Variants in ASB15 observed in about 807,000 individuals in gnomAD.
ASB15 encodes ankyrin repeat and SOCS box containing 15.
Under a neutral mutation model 58.0 loss-of-function variants are expected in ASB15, and 54 were observed. That is an observed-to-expected ratio of 0.93 (90% CI 0.75 to 1.17). The LOEUF (loss-of-function observed/expected upper bound fraction) is 1.17. Among genes scored for constraint, ASB15 ranks in the 50% most tolerant of loss-of-function variants. The probability of loss-of-function intolerance (pLI) is 0.00; values close to 1 mark genes in which losing one functional copy is unlikely to be tolerated. For synonymous variants in ASB15, 249 were observed against 262.4 expected, an observed-to-expected ratio of 0.95 and a Z score of 0.50; for missense variants, 680 against 707.4, an observed-to-expected ratio of 0.96 and a Z score of 0.44.
chr7:123,631,771 C>G (rs1227691890), intron 11 of ASB15, among the ~76,000 whole-genome samples: 1 of 152,060 alleles, frequency 6.6e-6, no homozygotes, highest in Non-Finnish European at 1.5e-5. Flanking sequence ...GTCAAGAAAA[C>G]TAAATGCAAA....
intron 7 of ASB15, among the ~76,000 whole-genome samples, chr7:123,623,816 A>ATT (rs913830347): frequency 3.6e-4 from 53 of 148,926 alleles, no homozygotes; most frequent in Non-Finnish European, 6.8e-4. Flanking sequence ...GTGAGCTGAG[A>ATT]TTGTGCCATC....
In ASB15 at chr7:123,632,080, A is replaced by AAAT. The variant is rs373227752; in HGVS notation, c.1594+1981_1594+1983dup. On this transcript the variant is annotated intron_variant, in intron 11 of 11. Transcript: ENST00000451215. ...GCGACAGAGCGAGACTCCATCTCAA[A>AAAT]AATAATAATAATAATAATAATAGAA... Among the ~76,000 whole-genome samples, 791 of 151,762 alleles carry AAAT rather than the reference A, an allele frequency of 5.2e-3. 14 individuals are homozygous for AAAT. Among genetic ancestry groups the AAAT allele is most frequent in the East Asian group, 0.045 (231 of 5,156 alleles).
intron 11 of ASB15, among the ~76,000 whole-genome samples, chr7:123,631,201 T>G (rs1314197713): frequency 6.6e-6 from 1 of 152,206 alleles, no homozygotes; most frequent in African/African-American, 2.4e-5. Context: ...AGCAAGTTAC[T>G]TATTCTTCTT....
intron 1 of ASB15, among the ~76,000 whole-genome samples, chr7:123,575,902 T>C (rs1483956909): frequency 6.6e-6 from 1 of 151,022 alleles, no homozygotes; most frequent in Non-Finnish European, 1.5e-5. Flanking sequence ...GCATGCATAG[T>C]GTGTCCTGTA....
chr7:123,596,763 G>T (rs1584747765), intron 1 of ASB15, among the ~76,000 whole-genome samples: 2 of 152,132 alleles, frequency 1.3e-5, no homozygotes, highest in South Asian at 4.1e-4. Context: ...TTAATTAAAT[G>T]TCATTACGCA....
intron 11 of ASB15, among the ~76,000 whole-genome samples, chr7:123,634,195 C>T (rs1802292417): frequency 6.6e-6 from 1 of 152,066 alleles, no homozygotes; most frequent in South Asian, 2.1e-4. Flanking sequence ...TGCTCAGACT[C>T]CCCCAGCCAC....
chr7:123,611,294 A>AT (rs934238765), intron 3 of ASB15, among the ~76,000 whole-genome samples: 9 of 150,898 alleles, frequency 6.0e-5, no homozygotes, highest in African/African-American at 9.7e-5. Flanking sequence ...TAGATAAATA[A>AT]TTTTTTTTTC....
chr7:123,624,954 T>C (rs898652757), intron 8 of ASB15, 140 bp downstream of exon 8: 20 of 996,300 alleles, frequency 2.0e-5, no homozygotes, highest in Admixed American at 5.2e-5. Flanking sequence ...CATCAGGTTT[T>C]CCCACCTGGT....
In ASB15 at chr7:123,624,560, A is replaced by G. The variant is rs1326901023; in HGVS notation, c.452-9A>G. Reference sequence around the variant, plus strand: ...ATACTTACTGTTGTTTTTAACAATCATTTTCAAGCTGTGAAAAAGGGCTCC... The same window carrying G: ...ATACTTACTGTTGTTTTTAACAATCGTTTTCAAGCTGTGAAAAAGGGCTCC... On this transcript the variant is annotated splice_polypyrimidine_tract_variant and intron_variant, in intron 7 of 11. Transcript: ENST00000451215. The G allele has an allele frequency of 1.9e-6, 3 of 1,608,400 alleles. No individual in the cohort carries two copies. The highest frequency in any genetic ancestry group is 2.7e-5 in the African/African-American group (2 of 74,754).
chr7:123,615,097 G>A (rs1048101080), intron 4 of ASB15, among the ~76,000 whole-genome samples: 13 of 152,150 alleles, frequency 8.5e-5, no homozygotes, highest in African/African-American at 3.1e-4. Flanking sequence ...ATGAATGAGA[G>A]AAGCGTTGTG....
intron 1 of ASB15, among the ~76,000 whole-genome samples, chr7:123,585,455 A>G (rs1264850536): frequency 6.6e-6 from 1 of 151,692 alleles, no homozygotes; most frequent in African/African-American, 2.4e-5. Flanking sequence ...GCACCCTTTG[A>G]CCTGGATTTC....
At chr7:123,633,087 C>T (rs562844215) in intron 11 of ASB15, among the ~76,000 whole-genome samples, 10 of 152,100 alleles carry the variant, frequency 6.6e-5, no homozygotes, top group African/African-American at 1.9e-4. Flanking sequence ...CTCTTGCTGA[C>T]GTCCAAAGGA....
At position 123,624,720 on chromosome 7, in the gene ASB15, C is replaced by T. The variant is rs1028306974; in HGVS notation, c.603C>T (p.Gly201=). 3 of 1,614,042 alleles carry T rather than the reference C, an allele frequency of 1.9e-6. No homozygotes were observed. The highest frequency in any genetic ancestry group is 2.5e-6 in the Non-Finnish European group (3 of 1,180,022). The change falls in exon 8 of 12, where the codon GGC becomes GGT. Residue 201 remains glycine, a synonymous_variant. Coordinates refer to ENST00000451215, the MANE Select transcript of ASB15 (RefSeq NM_001290258.2). ...TAGCTCTGCTGCTGAAACATGGAGG[C>T]AATGTCCACCTGAGAGATGGATTTG... ...DIVALLLKHG[G]NVHLRDGFGV...
intron 8 of ASB15, 133 bp downstream of exon 8, chr7:123,624,947 C>A: frequency 1.8e-6 from 2 of 1,136,290 alleles, no homozygotes; most frequent in Non-Finnish European, 2.5e-6. Context: ...AACTTGGCAT[C>A]AGGTTTTCCC....
intron 1 of ASB15, among the ~76,000 whole-genome samples, chr7:123,587,666 G>C (rs1259364759): frequency 6.6e-6 from 1 of 151,566 alleles, no homozygotes; most frequent in African/African-American, 2.4e-5. Context: ...TATGTTCACT[G>C]TAAGCTTGCC....
At chr7:123,570,580 C>A (rs1295807717) in intron 1 of ASB15, among the ~76,000 whole-genome samples, 1 of 152,198 alleles carries the variant, frequency 6.6e-6, no homozygotes, top group Non-Finnish European at 1.5e-5. Flanking sequence ...CTCACTCTAG[C>A]AGGCATGCCT....
In ASB15 at chr7:123,636,959, G is replaced by T. The variant is rs373123954; in HGVS notation, c.1745G>T (p.Gly582Val). The T allele has an allele frequency of 1.3e-5, 20 of 1,548,634 alleles. No homozygotes were observed. In the African/African-American group the frequency reaches 2.3e-4, roughly 18 times the overall value. ...YILFKEYDLY[G>V]QELKLT The stretch of plus-strand genomic sequence containing the variant: ...TTATTTAAAGAGTATGATCTCTATG[G>T]ACAAGAGCTAAAATTGACATAACTT... The change falls in exon 12 of 12, where the codon GGA becomes GTA. Residue 582 changes from glycine (G) to valine (V), a missense_variant. Transcript: ENST00000451215.
intron 7 of ASB15, among the ~76,000 whole-genome samples, chr7:123,620,556 T>TATA (rs1801242851): frequency 1.2e-4 from 1 of 8,628 alleles, no homozygotes; most frequent in Admixed American, 2.0e-3. Flanking sequence ...ATATATATAT[T>TATA]TTTTTTTTTT....
intron 2 of ASB15, among the ~76,000 whole-genome samples, chr7:123,607,899 T>C (rs1002688041): frequency 1.3e-5 from 2 of 152,184 alleles, no homozygotes; most frequent in African/African-American, 4.8e-5. Flanking sequence ...CATGGGCTTA[T>C]CTTTCTTTAA....
Sources: gnomAD v4.1 joint callset for allele counts (sites outside exome capture counted in the v4.1 genomes callset) on GRCh38, gnomAD v4.1.1 for gene constraint, MANE v1.5 for transcripts, NCBI Gene and HGNC (gene_info 2026-07-23, HGNC 2026-07-21) for gene names.